Variants in SFMBT2 observed in about 807,000 individuals in gnomAD.
SFMBT2 encodes the protein Scm like with four mbt domains 2, also known as scm-like with four MBT domains protein 2.
In SFMBT2, 38 loss-of-function variants were observed where a neutral mutation model predicts 110.1. The ratio of observed to expected loss-of-function variants is 0.35; its 90% CI spans 0.27 to 0.45. The LOEUF is 0.45. SFMBT2 is among the 20% of genes least tolerant of loss of function. The pLI is 1.00. For missense variants in SFMBT2, 1,011 were observed against 1,094.9 expected, an observed-to-expected ratio of 0.92 and a Z score of 1.08; for synonymous variants, 425 against 425.4, an observed-to-expected ratio of 1.00 and a Z score of 0.01.
intron 11 of SFMBT2, among the ~76,000 whole-genome samples, chr10:7,209,840 T>C (rs752457153): frequency 6.6e-5 from 10 of 152,176 alleles, no homozygotes; most frequent in Non-Finnish European, 1.3e-4. Context: ...GTGAATGAGT[T>C]ACCTATTTTG....
At chr10:7,278,361 C>A (rs192948697) in intron 6 of SFMBT2, among the ~76,000 whole-genome samples, 1 of 152,294 alleles carries the variant, frequency 6.6e-6, no homozygotes, top group East Asian at 1.9e-4. Context: ...GAGCCCCCTG[C>A]AAGCTGCTCC....
At chr10:7,175,261 G>A (rs1838018630) in intron 17 of SFMBT2, among the ~76,000 whole-genome samples, 1 of 152,238 alleles carries the variant, frequency 6.6e-6, no homozygotes, top group South Asian at 2.1e-4. Flanking sequence ...AGGCACAGGA[G>A]GTGGAGGTGT....
intron 9 of SFMBT2, among the ~76,000 whole-genome samples, chr10:7,236,712 A>G (rs532365317): frequency 1.3e-5 from 2 of 152,348 alleles, no homozygotes; most frequent in East Asian, 3.9e-4. Context: ...AAGAAAACAC[A>G]TCAGTAGGAA....
At chr10:7,177,790 C>T (rs1838118000) in intron 16 of SFMBT2, among the ~76,000 whole-genome samples, 1 of 151,496 alleles carries the variant, frequency 6.6e-6, no homozygotes, top group Non-Finnish European at 1.5e-5. Context: ...CACAGGCGGT[C>T]AAGGCTGCAA....
intron 4 of SFMBT2, among the ~76,000 whole-genome samples, chr10:7,332,802 C>T (rs1467072900): frequency 2.6e-5 from 4 of 152,200 alleles, no homozygotes; most frequent in Non-Finnish European, 5.9e-5. Context: ...ACCTTGGAAG[C>T]CTTAACAAAG....
At chr10:7,220,378 C>T in intron 11 of SFMBT2, 33 bp downstream of exon 11, 1 of 1,603,402 alleles carries the variant, frequency 6.2e-7, no homozygotes, top group South Asian at 1.1e-5. Flanking sequence ...TCTACATTCC[C>T]CCCAGCGACT....
Position 7,301,804 on chromosome 10 carries a change from A to C in SFMBT2, c.437-15850T>G, listed in dbSNP as rs1842566100. On this transcript the variant is annotated intron_variant, in intron 4 of 20. Coordinates refer to ENST00000397167, the MANE Select transcript of SFMBT2 (RefSeq NM_001387889.1). This position sits in a 1 kb window ranked among gnomAD's most constrained non-coding sequence, Gnocchi z 4.2. The stretch of plus-strand genomic sequence containing the variant: ...AGCCTTTCCTGGTGCTGCTGAAAGA[A>C]AAGGGAGGAGAACTGCGTGGCTCTA... 1.3e-5 allele frequency among the ~76,000 whole-genome samples: 2 copies of C among 152,166 alleles called. No homozygotes were observed. Among genetic ancestry groups the C allele is most frequent in the South Asian group, 4.1e-4 (2 of 4,824 alleles).
chr10:7,356,827 A>C (rs777746837), intron 4 of SFMBT2, among the ~76,000 whole-genome samples: 1 of 152,182 alleles, frequency 6.6e-6, no homozygotes, highest in Non-Finnish European at 1.5e-5. Context: ...AGTGATATGC[A>C]GTTATGGAAA....
At chr10:7,376,727 CAAAAA>C (rs35816107) in intron 2 of SFMBT2, among the ~76,000 whole-genome samples, 2 of 44,734 alleles carry the variant, frequency 4.5e-5, no homozygotes, top group African/African-American at 2.0e-4. Context: ...GGCCCTCCCA[CAAAAA>C]AAAAAAAAAA....
chr10:7,227,803 G>T, intron 10 of SFMBT2, 52 bp downstream of exon 10: 1 of 1,508,882 alleles, frequency 6.6e-7, no homozygotes, highest in Admixed American at 1.8e-5. Flanking sequence ...TAAAACTTAC[G>T]GTAGACAAAA....
intron 1 of SFMBT2, among the ~76,000 whole-genome samples, chr10:7,403,424 C>T (rs1368986509): frequency 6.6e-6 from 1 of 152,158 alleles, no homozygotes; most frequent in Non-Finnish European, 1.5e-5. Context: ...GGGAGGATCA[C>T]TTGAGGTCAG....
chr10:7,325,279 C>T (rs1269024282), intron 4 of SFMBT2, among the ~76,000 whole-genome samples: 1 of 152,138 alleles, frequency 6.6e-6, no homozygotes, highest in Non-Finnish European at 1.5e-5. Flanking sequence ...CAAGGCCCCA[C>T]TTTCAAACAC....
chr10:7,253,261 T>C (rs941687215), intron 7 of SFMBT2, among the ~76,000 whole-genome samples: 4 of 152,162 alleles, frequency 2.6e-5, no homozygotes, highest in Non-Finnish European at 4.4e-5. Context: ...TGAGGCCTTC[T>C]GGAAAACTAT....
intron 4 of SFMBT2, among the ~76,000 whole-genome samples, chr10:7,297,474 C>T (rs1186936976): frequency 1.3e-5 from 2 of 151,888 alleles, no homozygotes; most frequent in Non-Finnish European, 2.9e-5. Context: ...CAGCACAGGG[C>T]TGGGCAGGGG....
At chr10:7,215,611 T>G (rs1287898276) in intron 11 of SFMBT2, 1 of 985,282 alleles carries the variant, frequency 1.0e-6, no homozygotes, top group Non-Finnish European at 1.2e-6. Context: ...TGGGTTCACC[T>G]GCATGGCTCA....
rs1837874181 is a variant in SFMBT2 at position 7,171,644 on chromosome 10, A to T, written c.2415+251T>A. ...GGACTGTGCCCTCCTCCTGACAAGAACCCAGGTGGCACTAAAGCCGTCCAG... is the reference window on the plus strand; with the variant it reads ...GGACTGTGCCCTCCTCCTGACAAGATCCCAGGTGGCACTAAAGCCGTCCAG... On this transcript the variant is annotated intron_variant, in intron 19 of 20. Transcript: ENST00000397167. The surrounding 1 kb of genome is among the most constrained non-coding windows in gnomAD (Gnocchi z 4.9). 2.2e-6 allele frequency: 2 copies of T among 914,624 alleles called. No homozygotes were observed. Among genetic ancestry groups the T allele is most frequent in the African/African-American group, 3.6e-5 (2 of 55,766 alleles). The allele number at this position is 914,624 out of a possible 1,614,324, so 56.7% of individuals were successfully genotyped here.
chr10:7,208,650 C>T (rs915022615), intron 11 of SFMBT2, among the ~76,000 whole-genome samples: 33 of 149,884 alleles, frequency 2.2e-4, no homozygotes, highest in Middle Eastern at 3.4e-3. Flanking sequence ...CACGCCACTG[C>T]GCTCCAGCCT....
intron 1 of SFMBT2, chr10:7,409,365 G>A (rs1846309393): frequency 6.6e-6 from 1 of 151,888 alleles, no homozygotes; most frequent in South Asian, 2.1e-4. Flanking sequence ...CTCCTAGAAA[G>A]ACAAAATAAA....
At chr10:7,286,460 T>C (rs1842091367) in intron 4 of SFMBT2, 1 of 668,748 alleles carries the variant, frequency 1.5e-6, no homozygotes, top group Non-Finnish European at 1.8e-6. Context: ...ATGGGGAGAA[T>C]AAGTAGTCCC....
Sources: allele counts gnomAD v4.1 joint callset (sites outside exome capture counted in the v4.1 genomes callset), GRCh38; gene constraint gnomAD v4.1.1; non-coding constraint Gnocchi (gnomAD v3.1); transcripts MANE v1.5; gene names NCBI Gene and HGNC (gene_info 2026-07-23, HGNC 2026-07-21).